CES5A: variants seen among roughly 807,000 people sequenced by gnomAD.
CES5A encodes carboxylesterase 5A, also known as carboxylesterase 5.
CES5A carries 67 observed loss-of-function variants against 62.9 expected under a neutral mutation model. The observed-to-expected ratio is 1.07, with a 90% CI of 0.88 to 1.31. The LOEUF is 1.31. Ranked by LOEUF, CES5A falls within the 50% of genes most tolerant of loss-of-function variation. The probability of loss-of-function intolerance (pLI) is 0.00; values close to 1 mark genes in which losing one functional copy is unlikely to be tolerated. For synonymous variants in CES5A, 296 were observed against 280.8 expected (o/e 1.05, Z -0.54); for missense variants, 748 against 708.5 (o/e 1.06, Z -0.63).
chr16:55,955,612 C>G lies in CES5A; in HGVS notation c.42+232G>C, dbSNP rs72810560. On this transcript the variant is annotated intron_variant, in intron 1 of 13. Transcript: ENST00000521992. ...AGATACCAGTATGGCCTCTCTAAGACAGGGCAGAGTCAGAGCTCAGCATGG... is the reference window on the plus strand; with the variant it reads ...AGATACCAGTATGGCCTCTCTAAGAGAGGGCAGAGTCAGAGCTCAGCATGG... Among the ~76,000 whole-genome samples, 646 of 152,362 alleles carry G rather than the reference C, an allele frequency of 4.2e-3. 5 individuals carry two copies. The highest frequency in any genetic ancestry group is 7.1e-3 in the Non-Finnish European group (482 of 68,028).
At position 55,871,734 on chromosome 16, in the gene CES5A, A is replaced by G. The variant is rs1567334077; in HGVS notation, c.308T>C (p.Leu103Ser). 2.5e-6 allele frequency: 4 copies of G among 1,613,926 alleles called. No homozygotes were observed. Among genetic ancestry groups the G allele is most frequent in the Non-Finnish European group, 2.5e-6 (3 of 1,179,946 alleles). ...LCLQNSEWLL[L>S]DQHMLKVHYP... ...ATGCACCTTGAGCATATGTTGATCT[A>G]AGAGCAGCCACTCTGAGTTCTGGAG... is the stretch of plus-strand genomic sequence containing the variant. Residue 103 changes from leucine to serine, a missense_variant, in exon 3 of 13, where the codon TTA (leucine) becomes TCA (serine). Coordinates refer to ENST00000290567, the MANE Select transcript of CES5A (RefSeq NM_001143685.2).
chr16:55,905,129 C>T (rs1250473469), intron 1 of CES5A, among the ~76,000 whole-genome samples: 5 of 152,124 alleles, frequency 3.3e-5, no homozygotes. Context: ...GTGCCAGCAG[C>T]CCAGGGCAAG....
At chr16:55,929,579 G>A (rs1288266522), upstream of CES5A, among the ~76,000 whole-genome samples, 1 of 152,176 alleles carries the variant, frequency 6.6e-6, no homozygotes, top group Non-Finnish European at 1.5e-5. Flanking sequence ...AACATTTATG[G>A]AGACACCCTA....
intron 2 of CES5A, 46 bp downstream of exon 2, chr16:55,873,787 C>T (rs1189531009): frequency 6.5e-7 from 1 of 1,533,602 alleles, no homozygotes; most frequent in Non-Finnish European, 8.9e-7. Context: ...GAATTCCTGC[C>T]ACTCCCAGAG....
chr16:55,944,752 C>T (rs1282178032), intron 2 of CES5A, among the ~76,000 whole-genome samples: 1 of 152,214 alleles, frequency 6.6e-6, no homozygotes, highest in African/African-American at 2.4e-5. Flanking sequence ...AGCTTCTCTA[C>T]TTAGGGCCTC....
intron 2 of CES5A, among the ~76,000 whole-genome samples, chr16:55,941,704 C>T (rs1231589787): frequency 6.6e-6 from 1 of 151,982 alleles, no homozygotes; most frequent in Non-Finnish European, 1.5e-5. Flanking sequence ...CTTACACTAC[C>T]TGATTGTATG....
chr16:55,941,435 T>C (rs778505949), intron 2 of CES5A, among the ~76,000 whole-genome samples: 4 of 152,076 alleles, frequency 2.6e-5, no homozygotes, highest in Admixed American at 6.5e-5. Context: ...TGCTGAAAAC[T>C]ATAAGAAATG....
intron 1 of CES5A, among the ~76,000 whole-genome samples, chr16:55,953,450 C>T (rs1379602919): frequency 6.6e-6 from 1 of 152,024 alleles, no homozygotes; most frequent in Non-Finnish European, 1.5e-5. Flanking sequence ...GTGAGTTAAA[C>T]AAGTTGACTA....
At chr16:55,911,404 G>A (rs916117885) in intron 1 of CES5A, among the ~76,000 whole-genome samples, 4 of 152,164 alleles carry the variant, frequency 2.6e-5, no homozygotes, top group African/African-American at 4.8e-5. Flanking sequence ...AAGAAGAAAC[G>A]ATCGTGGTGG....
chr16:55,925,938 C>G (rs1308413756), upstream of CES5A, among the ~76,000 whole-genome samples: 1 of 151,956 alleles, frequency 6.6e-6, no homozygotes. Context: ...ACAAATAACT[C>G]TTCTGTGGGA....
intron 3 of CES5A, 148 bp from the exon 4 acceptor site, chr16:55,869,892 G>A (rs757202974): frequency 1.2e-5 from 14 of 1,141,016 alleles, no homozygotes; most frequent in Non-Finnish European, 1.7e-5. Context: ...AAGGCCCAGG[G>A]TTAAGCATGT....
At chr16:55,949,443 G>A (rs1403040900) in intron 2 of CES5A, among the ~76,000 whole-genome samples, 1 of 152,136 alleles carries the variant, frequency 6.6e-6, no homozygotes, top group African/African-American at 2.4e-5. Flanking sequence ...CCAGCAGTTG[G>A]GGAAATATGT....
intron 1 of CES5A, among the ~76,000 whole-genome samples, chr16:55,950,609 G>C (rs2142487545): frequency 6.6e-6 from 1 of 151,170 alleles, no homozygotes; most frequent in South Asian, 2.1e-4. Flanking sequence ...AAATGAAAGA[G>C]AAATGGAAAA....
chr16:55,910,142 C>T (rs377737184), intron 1 of CES5A, among the ~76,000 whole-genome samples: 4 of 152,154 alleles, frequency 2.6e-5, no homozygotes, highest in East Asian at 1.9e-4. Flanking sequence ...AGAGCAATGG[C>T]GATGTGCCCT....
intron 1 of CES5A, among the ~76,000 whole-genome samples, chr16:55,913,887 C>T (rs1247135994): frequency 6.6e-6 from 1 of 152,182 alleles, no homozygotes; most frequent in African/African-American, 2.4e-5. Context: ...AACAAATCCA[C>T]ACTGTTCCCA....
Position 55,871,637 on chromosome 16 carries a change from G to A in CES5A, c.405C>T (p.Gly135=), listed in dbSNP as rs373069588. ...NIYAPAHADT[G]SKLPVLVWFP... ...CAGGCAGCCTTACGGGGAGCTTGGA[G>A]CCTGTATCGGCGTGGGCAGGCGCAT... Residue 135 remains glycine, a synonymous_variant, in exon 3 of 13, where the codon GGC becomes GGT. Transcript: ENST00000290567. 1.9e-6 allele frequency: 3 copies of A among 1,614,018 alleles called. No homozygotes were observed. The highest frequency in any genetic ancestry group is 2.5e-6 in the Non-Finnish European group (3 of 1,180,022).
chr16:55,861,517 C>T lies in CES5A; in HGVS notation c.811-1G>A. The T allele has an allele frequency of 6.2e-7, 1 of 1,606,636 alleles. No homozygotes were observed. Among genetic ancestry groups the T allele is most frequent in the Non-Finnish European group, 8.5e-7 (1 of 1,173,242 alleles). On this transcript the variant is annotated splice_acceptor_variant, in intron 6 of 12. Coordinates refer to ENST00000290567, the MANE Select transcript of CES5A (RefSeq NM_001143685.2). LOFTEE classifies it high-confidence loss of function. ...CACAGAAATGTGCAACCACCTGCAG[C>T]TATTTTGTAGAGAAGGACCGGGTTA...
intron 1 of CES5A, among the ~76,000 whole-genome samples, chr16:55,883,536 G>A (rs1205974440): frequency 1.3e-5 from 2 of 152,174 alleles, no homozygotes; most frequent in African/African-American, 4.8e-5. Context: ...GCCTCACAGA[G>A]TGCTGGGATT....
chr16:55,912,132 G>T (rs187430951), intron 1 of CES5A, among the ~76,000 whole-genome samples: 1 of 152,116 alleles, frequency 6.6e-6, no homozygotes, highest in East Asian at 1.9e-4. Context: ...CCTGACTGTC[G>T]GCATGCAGGC....
Sources: gnomAD v4.1 joint callset for allele counts (sites outside exome capture counted in the v4.1 genomes callset) on GRCh38, gnomAD v4.1.1 for gene constraint, MANE v1.5 for transcripts, NCBI Gene and HGNC (gene_info 2026-07-23, HGNC 2026-07-21) for gene names.